The following TET1 variants were observed in gnomAD, a reference collection of about 807,000 sequenced individuals.
TET1 encodes the protein methylcytosine dioxygenase TET1.
TET1 carries 13 observed loss-of-function variants against 148.7 expected under a neutral mutation model. The ratio of observed to expected loss-of-function variants is 0.09; its 90% CI spans 0.06 to 0.14. The LOEUF (loss-of-function observed/expected upper bound fraction) is 0.14, where lower values mean the gene tolerates loss of function less well. Ranked by LOEUF, TET1 falls within the 10% of genes least tolerant of loss-of-function variation. The pLI, the probability that TET1 is intolerant of heterozygous loss-of-function variation, is 1.00. For synonymous variants in TET1, 907 were observed against 937.2 expected (o/e 0.97, Z 0.59); for missense variants, 2,182 against 2,553.8 (o/e 0.85, Z 3.14).
chr10:68,615,358 T>G (rs2054275759), intron 3 of TET1, among the ~76,000 whole-genome samples: 1 of 151,386 alleles, frequency 6.6e-6, no homozygotes, highest in Admixed American at 6.6e-5. Flanking sequence ...TTTCTTTTCT[T>G]TTTTTGAGAT....
At position 68,573,768 on chromosome 10, in the gene TET1, C is replaced by T. The variant is rs141856939; in HGVS notation, c.1430C>T (p.Pro477Leu). 2.5e-6 allele frequency: 4 copies of T among 1,614,066 alleles called. No individual in the cohort carries two copies. Among genetic ancestry groups the T allele is most frequent in the East Asian group, 4.5e-5 (2 of 44,890 alleles). The change falls in exon 2 of 12, where the codon CCT becomes CTT. Residue 477 changes from proline (P) to leucine (L), a missense_variant. Transcript: ENST00000373644. The part of the protein sequence containing the change: ...QILPLGSGHT[P>L]QSSSNSEKNS... ...TTGCCTTTGGGCTCAGGACACACTCCTCAATCATCATCAAACTCAGAGAAA... is the reference window on the plus strand; with the variant it reads ...TTGCCTTTGGGCTCAGGACACACTCTTCAATCATCATCAAACTCAGAGAAA...
At chr10:68,690,734 G>A in intron 11 of TET1, 74 bp from the exon 12 acceptor site, 1 of 1,439,428 alleles carries the variant, frequency 6.9e-7, no homozygotes. Context: ...ACTTGTCTTT[G>A]AAAATACTTT....
At position 68,572,286 on chromosome 10, in the gene TET1, A is replaced by G; in HGVS notation, c.-53A>G. ...TCTCCTCAGAAGTGAGACTTTCCAAAGGACCAATGACTCTGTTTCCTGCGC... is the reference window on the plus strand; with the variant it reads ...TCTCCTCAGAAGTGAGACTTTCCAAGGGACCAATGACTCTGTTTCCTGCGC... On this transcript the variant is annotated 5_prime_UTR_variant, in exon 2 of 12. Transcript: ENST00000373644. 6.8e-7 allele frequency: 1 copy of G among 1,464,324 alleles called. No individual in the cohort carries two copies. The highest frequency in any genetic ancestry group is 9.2e-7 in the Non-Finnish European group (1 of 1,091,526). The allele number at this position is 1,464,324 out of a possible 1,614,324, so 90.7% of individuals were successfully genotyped here. A position where few individuals can be genotyped will look rare whatever the true frequency, so the allele number is the denominator to read the frequency against.
rs140860687 is a variant in TET1, at chr10:68,645,115, G to C, written c.2386G>C (p.Asp796His). ...LENNSYKFLK[D>H]TANHKNAMSS... The stretch of plus-strand genomic sequence containing the variant: ...AAACAATTCTTATAAATTCCTAAAA[G>C]ACACTGCAAACCATAAAAACGCTAT... Residue 796 changes from aspartate (D) to histidine (H), a missense_variant, in exon 4 of 12, where the codon GAC becomes CAC. Asp to His is a moderately conservative substitution (Grantham distance 81). Transcript: ENST00000373644. 1.7e-5 allele frequency: 27 copies of C among 1,613,250 alleles called. No individual in the cohort carries two copies. In the Admixed American group the frequency reaches 3.7e-4, roughly 22 times the overall value.
chr10:68,575,683 CAA>C (rs1302369157), intron 2 of TET1, among the ~76,000 whole-genome samples: 1 of 148,106 alleles, frequency 6.8e-6, no homozygotes, highest in African/African-American at 2.5e-5. Context: ...GCCTGGACAA[CAA>C]GAGTGAAACT....
chr10:68,563,012 T>C (rs2053570894), intron 1 of TET1, among the ~76,000 whole-genome samples: 2 of 152,180 alleles, frequency 1.3e-5, no homozygotes, highest in African/African-American at 2.4e-5. Flanking sequence ...CTTTTTTGTT[T>C]TCTTTTTGGG....
intron 2 of TET1, among the ~76,000 whole-genome samples, chr10:68,580,017 C>A (rs2053774599): frequency 6.6e-6 from 1 of 151,890 alleles, no homozygotes; most frequent in African/African-American, 2.4e-5. Flanking sequence ...GAACCTCTGC[C>A]TCCCGGATTC....
chr10:68,645,413 A>T lies in TET1; in HGVS notation c.2684A>T (p.Glu895Val). The T allele has an allele frequency of 1.2e-6, 2 of 1,614,060 alleles. No individual in the cohort carries two copies. The highest frequency in any genetic ancestry group is 1.7e-6 in the Non-Finnish European group (2 of 1,180,034). Residue 895 changes from glutamate (E) to valine (V), a missense_variant, in exon 4 of 12, where the codon GAG becomes GTG. Physicochemically the swap from Glu to Val is moderately radical, Grantham distance 121. Transcript: ENST00000373644. The stretch of plus-strand genomic sequence containing the variant: ...ACATTGGAGCAAGTGGTAGCCATAG[A>T]GGCCCTGACTCAACTCTCAGAAGCC... ...RLTLEQVVAIEALTQLSEAPS... is the reference protein window; with the variant it reads ...RLTLEQVVAIVALTQLSEAPS...
At chr10:68,596,017 C>CATATATATAT (rs1401841209) in intron 2 of TET1, among the ~76,000 whole-genome samples, 30 of 108,550 alleles carry the variant, frequency 2.8e-4, no homozygotes, top group South Asian at 6.2e-4. Flanking sequence ...CACACACACA[C>CATATATATAT]ACACACACAC....
chr10:68,587,956 G>A (rs1444338407), intron 2 of TET1, among the ~76,000 whole-genome samples: 1 of 152,124 alleles, frequency 6.6e-6, no homozygotes, highest in Non-Finnish European at 1.5e-5. Flanking sequence ...TCTGCCTCCT[G>A]GGTGCAAGAG....
At chr10:68,657,752 C>T (rs2055046655) in intron 6 of TET1, among the ~76,000 whole-genome samples, 1 of 151,996 alleles carries the variant, frequency 6.6e-6, no homozygotes, top group South Asian at 2.1e-4. Context: ...AGCTGGGAAT[C>T]TGCTGGAGTT....
At chr10:68,630,855 G>A (rs533251810) in intron 3 of TET1, among the ~76,000 whole-genome samples, 5 of 152,262 alleles carry the variant, frequency 3.3e-5, no homozygotes, top group African/African-American at 7.2e-5. Flanking sequence ...AAGTGACGAC[G>A]ATCCTAAAGA....
chr10:68,653,591 C>G (rs1270707735), intron 6 of TET1, among the ~76,000 whole-genome samples: 2 of 152,130 alleles, frequency 1.3e-5, no homozygotes, highest in East Asian at 1.9e-4. Context: ...CATATTGCAT[C>G]TTTACATTTA....
intron 3 of TET1, among the ~76,000 whole-genome samples, chr10:68,617,006 C>CTTTTTTTTT (rs71019039): frequency 1.3e-4 from 5 of 39,614 alleles, no homozygotes; most frequent in African/African-American, 4.1e-4. Context: ...CGCGCCTGGC[C>CTTTTTTTTT]TTTTTTTTTT....
intron 1 of TET1, among the ~76,000 whole-genome samples, chr10:68,564,244 G>A (rs1371858028): frequency 6.6e-6 from 1 of 151,600 alleles, no homozygotes; most frequent in Non-Finnish European, 1.5e-5. Flanking sequence ...CATCTCCTGG[G>A]TTCAAGTGAT....
chr10:68,564,327 T>G (rs2053584563), intron 1 of TET1, among the ~76,000 whole-genome samples: 1 of 151,944 alleles, frequency 6.6e-6, no homozygotes, highest in Non-Finnish European at 1.5e-5. Context: ...TTTTGTATTT[T>G]TGGTAGAGAT....
intron 3 of TET1, among the ~76,000 whole-genome samples, chr10:68,620,394 T>A (rs1214197736): frequency 6.6e-6 from 1 of 152,212 alleles, no homozygotes; most frequent in Non-Finnish European, 1.5e-5. Flanking sequence ...ATTCCAGACA[T>A]TTCAAACAAT....
chr10:68,624,292 G>GT (rs1483657420), intron 3 of TET1, among the ~76,000 whole-genome samples: 10 of 148,678 alleles, frequency 6.7e-5, no homozygotes, highest in Non-Finnish European at 1.0e-4. Flanking sequence ...TTGTTTGTTT[G>GT]TTTCTTTCTT....
chr10:68,610,804 C>T (rs1589074079), intron 3 of TET1, among the ~76,000 whole-genome samples: 3 of 152,098 alleles, frequency 2.0e-5, no homozygotes, highest in East Asian at 1.9e-4. Context: ...CATAGGTGTG[C>T]ACCACCAATC....
Sources: gnomAD v4.1 joint callset for allele counts (sites outside exome capture counted in the v4.1 genomes callset) on GRCh38, gnomAD v4.1.1 for gene constraint, MANE v1.5 for transcripts, NCBI Gene and HGNC (gene_info 2026-07-23, HGNC 2026-07-21) for gene names.